The following TUBD1 variants were observed in gnomAD, a reference collection of about 807,000 sequenced individuals.
The protein encoded by TUBD1 is tubulin delta 1.
In TUBD1, 38 loss-of-function variants were observed where a neutral mutation model predicts 51.2. The ratio of observed to expected loss-of-function variants is 0.74; its 90% CI spans 0.57 to 0.97. TUBD1 has a LOEUF of 0.97. Ranked by LOEUF, TUBD1 falls within the 50% of genes least tolerant of loss-of-function variation. The pLI, the probability that TUBD1 is intolerant of heterozygous loss-of-function variation, is 0.00. For missense variants in TUBD1, 489 were observed against 538.4 expected, an observed-to-expected ratio of 0.91 and a Z score of 0.91; for synonymous variants, 169 against 178.2, an observed-to-expected ratio of 0.95 and a Z score of 0.41.
chr17:59,864,326 T>C (rs964586069), intron 7 of TUBD1, among the ~76,000 whole-genome samples: 1 of 150,552 alleles, frequency 6.6e-6, no homozygotes, highest in Admixed American at 6.7e-5. Context: ...TTGTATTTTT[T>C]GTAGAGATGG....
chr17:59,866,635 C>T lies in TUBD1; in HGVS notation c.1049G>A (p.Gly350Glu). 6.2e-7 allele frequency: 1 copy of T among 1,613,780 alleles called. No homozygotes were observed. Among genetic ancestry groups the T allele is most frequent in the African/African-American group, 1.3e-5 (1 of 74,982 alleles). ...CACATCTGCACTTTGCACATCTTTC[C>T]CACGAAGAATGACCAAGTTAGCAAT... ...TSIANLVILR[G>E]KDVQSADVEG... The change falls in exon 7 of 9, where the codon GGG becomes GAG. Residue 350 changes from glycine to glutamate, a missense_variant. Coordinates refer to ENST00000325752, the MANE Select transcript of TUBD1 (RefSeq NM_016261.4).
intron 6 of TUBD1, among the ~76,000 whole-genome samples, chr17:59,869,420 A>C (rs2039878453): frequency 1.3e-5 from 2 of 151,720 alleles, no homozygotes; most frequent in Admixed American, 6.6e-5. Context: ...GGTTGCAGTG[A>C]GCCAAGATCG....
chr17:59,865,785 A>G (rs2039670852), intron 7 of TUBD1, among the ~76,000 whole-genome samples: 1 of 152,020 alleles, frequency 6.6e-6, no homozygotes, highest in Non-Finnish European at 1.5e-5. Context: ...AATGGGACAG[A>G]AATTCAAGTG....
chr17:59,891,089 G>C (rs750240362), intron 1 of TUBD1, 48 bp from the exon 2 acceptor site: 2 of 1,000,682 alleles, frequency 2.0e-6, no homozygotes, highest in Admixed American at 4.9e-5. Context: ...TTACTAATAA[G>C]AACAAATAAA....
Position 59,891,053 on chromosome 17 carries a change from A to G in TUBD1, c.-39-12T>C, listed in dbSNP as rs1262238312. The stretch of plus-strand genomic sequence containing the variant: ...CCTCTAAAAACAACCTGTAATCGAA[A>G]AAAATACGCTTTGAGAACCACTACA... On this transcript the variant is annotated splice_polypyrimidine_tract_variant and intron_variant, in intron 1 of 8. Transcript: ENST00000325752. The G allele has an allele frequency of 6.9e-7, 1 of 1,450,206 alleles. No individual in the cohort carries two copies. The highest frequency in any genetic ancestry group is 9.4e-7 in the Non-Finnish European group (1 of 1,060,702). The allele number at this position is 1,450,206 out of a possible 1,614,324, so 89.8% of individuals were successfully genotyped here. A position where few individuals can be genotyped will look rare whatever the true frequency, so the allele number is the denominator to read the frequency against.
At chr17:59,881,214 G>A (rs1269759951) in intron 3 of TUBD1, 104 bp from the exon 4 acceptor site, 24 of 900,716 alleles carry the variant, frequency 2.7e-5, no homozygotes, top group Admixed American at 1.4e-4. Context: ...TCAAAACTAC[G>A]GAAGTGAAGG....
Position 59,874,552 on chromosome 17 carries a change from T to G in TUBD1, c.921A>C (p.Ala307=), listed in dbSNP as rs1250953856. The G allele has an allele frequency of 1.2e-6, 2 of 1,610,926 alleles. No homozygotes were observed. Among genetic ancestry groups the G allele is most frequent in the Non-Finnish European group, 1.7e-6 (2 of 1,179,480 alleles). ...KHLRQMLISN[A]KMEEGIDRHV... ...ACTACTCTTTACCTTCTTCCATCTT[T>G]GCATTAGAAATGAGCATCTGTCTCA... Residue 307 remains alanine (A), a synonymous_variant, in exon 6 of 9, where the codon GCA becomes GCC. Transcript: ENST00000325752.
At chr17:59,862,714 A>ATTTTTTTTT (rs71145582) in intron 8 of TUBD1, among the ~76,000 whole-genome samples, 13 of 56,984 alleles carry the variant, frequency 2.3e-4, no homozygotes, top group Admixed American at 4.6e-4. Context: ...TAATTTTTGT[A>ATTTTTTTTT]TTTTTTTTTT....
rs1175993484 is a variant in TUBD1 at position 59,874,690 on chromosome 17, C to G, written c.783G>C (p.Glu261Asp). The change falls in exon 6 of 9, where the codon GAG (glutamate) becomes GAC (aspartate). Residue 261 changes from glutamate to aspartate, a missense_variant. Coordinates refer to ENST00000325752, the MANE Select transcript of TUBD1 (RefSeq NM_016261.4). ...YRRNPLGDLM[E>D]HLVPHPEFKM... is the part of the protein sequence containing the mutation. ...TGAATTCAGGATGGGGAACTAAATG[C>G]TCCATTAAGTCTCCTGTAAAGAAAA... is the stretch of plus-strand genomic sequence containing the variant. 6.2e-7 allele frequency: 1 copy of G among 1,610,248 alleles called. No homozygotes were observed. Among genetic ancestry groups the G allele is most frequent in the Admixed American group, 1.7e-5 (1 of 59,086 alleles).
intron 3 of TUBD1, among the ~76,000 whole-genome samples, chr17:59,881,742 T>C (rs1347874376): frequency 1.3e-5 from 2 of 152,076 alleles, no homozygotes; most frequent in African/African-American, 4.8e-5. Flanking sequence ...AATGGCGCGA[T>C]CTCGGCTCAC....
intron 3 of TUBD1, among the ~76,000 whole-genome samples, chr17:59,883,446 T>C (rs942761576): frequency 6.6e-6 from 1 of 151,942 alleles, no homozygotes; most frequent in Non-Finnish European, 1.5e-5. Context: ...TTTCTATTTT[T>C]TAGTAGAAAC....
chr17:59,862,547 A>AT (rs1256150201), intron 8 of TUBD1, among the ~76,000 whole-genome samples: 13 of 149,706 alleles, frequency 8.7e-5, no homozygotes, highest in Non-Finnish European at 1.3e-4. Flanking sequence ...ATTTAATTTA[A>AT]TTTTTTTTTG....
Position 59,874,112 on chromosome 17 carries a change from C to T in TUBD1, c.934+427G>A, listed in dbSNP as rs2040119451. Among the ~76,000 whole-genome samples the T allele has an allele frequency of 2.7e-5, 4 of 149,316 alleles. No individual in the cohort carries two copies. In the South Asian group the frequency reaches 8.5e-4, roughly 32 times the overall value. ...GCTGAGGCAGGAGAATGGTGTGAACCCGGGAGGCGGAGGTTGCAGTGAGCT... is the reference window on the plus strand; with the variant it reads ...GCTGAGGCAGGAGAATGGTGTGAACTCGGGAGGCGGAGGTTGCAGTGAGCT... On this transcript the variant is annotated intron_variant, in intron 6 of 8. Transcript: ENST00000325752.
intron 3 of TUBD1, among the ~76,000 whole-genome samples, chr17:59,883,549 C>T (rs748941732): frequency 1.3e-4 from 20 of 151,970 alleles, no homozygotes; most frequent in Non-Finnish European, 2.4e-4. Context: ...GGATGACAGG[C>T]GTGAGCCACT....
At position 59,880,358 on chromosome 17, in the gene TUBD1, C is replaced by G. The variant is rs141424192; in HGVS notation, c.537+536G>C. Reference sequence around the variant, plus strand: ...AGGCGTGAGCCACTGCACCCAGCCTCTCTGAAATTTTAAATGCAAGGATAC... The same window carrying G: ...AGGCGTGAGCCACTGCACCCAGCCTGTCTGAAATTTTAAATGCAAGGATAC... On this transcript the variant is annotated intron_variant, in intron 4 of 8. Transcript: ENST00000325752. Among the ~76,000 whole-genome samples the G allele has an allele frequency of 2.3e-3, 351 of 151,478 alleles. 1 individual carries two copies. The highest frequency in any genetic ancestry group is 8.1e-3 in the African/African-American group (335 of 41,298).
intron 6 of TUBD1, among the ~76,000 whole-genome samples, chr17:59,867,475 C>T (rs569786745): frequency 2.9e-4 from 44 of 151,950 alleles, no homozygotes; most frequent in African/African-American, 8.4e-4. Flanking sequence ...TGGTAGGCTG[C>T]GCTGGGAGGA....
At chr17:59,889,279 G>A (rs1452009500) in intron 2 of TUBD1, among the ~76,000 whole-genome samples, 1 of 151,334 alleles carries the variant, frequency 6.6e-6, no homozygotes, top group Non-Finnish European at 1.5e-5. Context: ...CTCCCAAAGT[G>A]CTGGGATTAT....
Position 59,886,130 on chromosome 17 carries a change from A to G in TUBD1, c.273T>C (p.His91=). 1 of 1,614,072 alleles carries G rather than the reference A, an allele frequency of 6.2e-7. No individual in the cohort carries two copies. Among genetic ancestry groups the G allele is most frequent in the Non-Finnish European group, 8.5e-7 (1 of 1,180,034 alleles). Residue 91 remains histidine (H), a synonymous_variant, in exon 3 of 9, where the codon CAT becomes CAC. Transcript: ENST00000325752. ...AQSGQWKYGQ[H]ACFCQKQGSG... is the part of the protein sequence containing the mutation. ...AACCTTGTTTTTGACAGAAGCATGC[A>G]TGTTGACCATATTTCCATTGGCCAG...
At chr17:59,868,654 T>A (rs1177204844) in intron 6 of TUBD1, among the ~76,000 whole-genome samples, 5 of 151,972 alleles carry the variant, frequency 3.3e-5, no homozygotes, top group Non-Finnish European at 7.4e-5. Context: ...CTGGCCAACA[T>A]GGTGAAACCC....
Sources: gnomAD v4.1 joint callset for allele counts (sites outside exome capture counted in the v4.1 genomes callset) on GRCh38, gnomAD v4.1.1 for gene constraint, MANE v1.5 for transcripts, NCBI Gene and HGNC (gene_info 2026-07-23, HGNC 2026-07-21) for gene names.